The following CDH13 variants were observed in gnomAD, a reference collection of about 807,000 sequenced individuals.
CDH13 encodes cadherin-13.
CDH13 carries 24 observed loss-of-function variants against 63.8 expected under a neutral mutation model. That is an observed-to-expected ratio of 0.38 (90% CI 0.27 to 0.53). The LOEUF (loss-of-function observed/expected upper bound fraction) is 0.53, where lower values mean the gene tolerates loss of function less well. CDH13 is among the 20% of genes least tolerant of loss of function. The probability of loss-of-function intolerance (pLI) is 0.85; values close to 1 mark genes in which losing one functional copy is unlikely to be tolerated. For synonymous variants in CDH13, 503 were observed against 355.3 expected, an observed-to-expected ratio of 1.42 and a Z score of -4.67; for missense variants, 1,049 against 903.1, an observed-to-expected ratio of 1.16 and a Z score of -2.07.
chr16:83,071,787 A>G (rs2032456887), intron 3 of CDH13, among the ~76,000 whole-genome samples: 1 of 152,208 alleles, frequency 6.6e-6, no homozygotes, highest in Non-Finnish European at 1.5e-5. Context: ...TGCATATATA[A>G]TAAATTTGAG....
chr16:82,746,343 T>A (rs2034174524), intron 1 of CDH13, among the ~76,000 whole-genome samples: 1 of 149,216 alleles, frequency 6.7e-6, no homozygotes, highest in Non-Finnish European at 1.5e-5. Flanking sequence ...CAAATAGAGA[T>A]GATAGTACTT....
chr16:83,123,920 G>A (rs1422887116), intron 3 of CDH13, among the ~76,000 whole-genome samples: 9 of 152,066 alleles, frequency 5.9e-5, no homozygotes, highest in Non-Finnish European at 7.4e-5. Flanking sequence ...AGATGATATC[G>A]CATTGTCGTT....
chr16:82,908,056 C>G (rs967035936), intron 2 of CDH13, among the ~76,000 whole-genome samples: 28 of 151,966 alleles, frequency 1.8e-4, no homozygotes, highest in Non-Finnish European at 8.8e-5. Context: ...AATAATATAT[C>G]TGTTGGATTT....
chr16:82,805,181 C>T (rs73604899), intron 1 of CDH13, among the ~76,000 whole-genome samples: 8,456 of 152,206 alleles, frequency 0.056, 705 homozygotes, highest in African/African-American at 0.18. Context: ...GTGTCCTTCT[C>T]TCTAATAGGA....
chr16:83,490,940 A>G (rs1163224188), intron 7 of CDH13, among the ~76,000 whole-genome samples: 2 of 152,214 alleles, frequency 1.3e-5, no homozygotes. Context: ...CTCTATTCCC[A>G]TTGCCAAATA....
At chr16:83,128,314 G>C (rs150097694) in intron 4 of CDH13, among the ~76,000 whole-genome samples, 2 of 152,150 alleles carry the variant, frequency 1.3e-5, no homozygotes, top group Admixed American at 1.3e-4. Flanking sequence ...CATTAGCATC[G>C]CCTGGGAGCT....
chr16:83,703,559 G>A (rs954261290), intron 10 of CDH13, among the ~76,000 whole-genome samples: 12 of 152,324 alleles, frequency 7.9e-5, no homozygotes, highest in South Asian at 2.1e-4. Context: ...CAAATCACAC[G>A]TGGAGAAGAC....
chr16:82,934,527 C>T (rs1425494052), intron 2 of CDH13, among the ~76,000 whole-genome samples: 2 of 152,202 alleles, frequency 1.3e-5, no homozygotes, highest in African/African-American at 2.4e-5. Flanking sequence ...ACATTTAGCT[C>T]CTTGTTACTT....
chr16:82,706,223 C>T (rs973033120), intron 1 of CDH13, among the ~76,000 whole-genome samples: 6 of 152,054 alleles, frequency 3.9e-5, no homozygotes, highest in Non-Finnish European at 7.3e-5. Flanking sequence ...ATACCAGGCA[C>T]GATGCAAGGC....
intron 5 of CDH13, among the ~76,000 whole-genome samples, chr16:83,280,695 T>TG (rs2089143954): frequency 6.5e-4 from 1 of 1,528 alleles, no homozygotes; most frequent in South Asian, 0.5. Context: ...AAAATGTATT[T>TG]CGTATCTCAT....
intron 8 of CDH13, among the ~76,000 whole-genome samples, chr16:83,620,294 G>A (rs1323949292): frequency 1.3e-5 from 2 of 151,432 alleles, no homozygotes. Flanking sequence ...GGGAGGCTGA[G>A]GCAGGAGAAT....
Position 82,734,028 on chromosome 16 carries a change from T to C in CDH13, c.45+106891T>C, listed in dbSNP as rs2033540562. ...ATAGCAATGAGGGCTGTGGAGAAAATAAGGTGGGAAGAGAACTAATATTGG... is the reference window on the plus strand; with the variant it reads ...ATAGCAATGAGGGCTGTGGAGAAAACAAGGTGGGAAGAGAACTAATATTGG... On this transcript the variant is annotated intron_variant, in intron 1 of 13. Coordinates refer to ENST00000567109, the MANE Select transcript of CDH13 (RefSeq NM_001257.5). Among the ~76,000 whole-genome samples the C allele has an allele frequency of 5.2e-4, 4 of 7,724 alleles. No individual in the cohort carries two copies. The Admixed American group carries it at 8.8e-3, about 17-fold the overall frequency. The allele number at this position is 7,724 out of a possible 152,430, so 5.1% of individuals were successfully genotyped here. A position where few individuals can be genotyped will look rare whatever the true frequency, so the allele number is the denominator to read the frequency against.
intron 11 of CDH13, among the ~76,000 whole-genome samples, chr16:83,766,766 C>A (rs1320408029): frequency 6.6e-6 from 1 of 151,686 alleles, no homozygotes; most frequent in Non-Finnish European, 1.5e-5. Context: ...TAATTGTAAT[C>A]CCCACATGTC....
intron 6 of CDH13, among the ~76,000 whole-genome samples, chr16:83,415,660 A>G (rs761246467): frequency 1.3e-5 from 2 of 152,164 alleles, no homozygotes; most frequent in Non-Finnish European, 2.9e-5. Flanking sequence ...TAAAAACCAC[A>G]TGATTGTCTC....
intron 1 of CDH13, among the ~76,000 whole-genome samples, chr16:82,855,396 C>G (rs940077705): frequency 6.6e-6 from 1 of 152,174 alleles, no homozygotes; most frequent in Non-Finnish European, 1.5e-5. Flanking sequence ...TTACTTCCTA[C>G]AGGATATCCA....
At chr16:83,695,482 C>G (rs1008795822) in intron 10 of CDH13, among the ~76,000 whole-genome samples, 2 of 152,192 alleles carry the variant, frequency 1.3e-5, no homozygotes, top group Non-Finnish European at 2.9e-5. Context: ...TGCCTACAAC[C>G]TGGTGGACTA....
intron 6 of CDH13, among the ~76,000 whole-genome samples, chr16:83,352,978 C>G (rs1211943348): frequency 6.6e-6 from 1 of 152,174 alleles, no homozygotes; most frequent in African/African-American, 2.4e-5. Context: ...CTCAGAAAGT[C>G]AAATACTGCA....
chr16:83,495,909 A>G (rs1381360346), intron 7 of CDH13, among the ~76,000 whole-genome samples: 1 of 152,128 alleles, frequency 6.6e-6, no homozygotes, highest in Admixed American at 6.5e-5. Flanking sequence ...CCCATTCACA[A>G]TTGCTTCAAA....
intron 5 of CDH13, among the ~76,000 whole-genome samples, chr16:83,344,014 G>A (rs766327522): frequency 2.0e-5 from 3 of 152,200 alleles, no homozygotes; most frequent in Non-Finnish European, 4.4e-5. Context: ...AGGTCACACA[G>A]ATAGGAAAGA....
Sources: gnomAD v4.1 joint callset for allele counts (sites outside exome capture counted in the v4.1 genomes callset) on GRCh38, gnomAD v4.1.1 for gene constraint, MANE v1.5 for transcripts, NCBI Gene and HGNC (gene_info 2026-07-23, HGNC 2026-07-21) for gene names.